Variants in KCND2 observed in about 807,000 individuals in gnomAD.
The protein encoded by KCND2 is A-type voltage-gated potassium channel KCND2.
KCND2 carries 16 observed loss-of-function variants against 54.4 expected under a neutral mutation model. The ratio of observed to expected loss-of-function variants is 0.29; its 90% CI spans 0.20 to 0.45. KCND2 has a LOEUF of 0.45. Ranked by LOEUF, KCND2 falls within the 20% of genes least tolerant of loss-of-function variation. The probability of loss-of-function intolerance (pLI) is 1.00; values close to 1 mark genes in which losing one functional copy is unlikely to be tolerated. For missense variants in KCND2, 486 were observed against 824.2 expected, an observed-to-expected ratio of 0.59 and a Z score of 5.02; for synonymous variants, 317 against 310.7, an observed-to-expected ratio of 1.02 and a Z score of -0.21.
At chr7:120,358,184 T>C (rs1389739877) in intron 1 of KCND2, among the ~76,000 whole-genome samples, 2 of 152,232 alleles carry the variant, frequency 1.3e-5, no homozygotes, top group African/African-American at 2.4e-5. Flanking sequence ...AAAATACTTA[T>C]TAGGAATTAG....
chr7:120,366,555 G>T (rs1800683260), intron 1 of KCND2, among the ~76,000 whole-genome samples: 1 of 149,452 alleles, frequency 6.7e-6, no homozygotes, highest in Non-Finnish European at 1.5e-5. Flanking sequence ...GAAAAGAAAA[G>T]AAAAGAAAAA....
chr7:120,591,800 T>C (rs965733467), intron 1 of KCND2, among the ~76,000 whole-genome samples: 29 of 152,208 alleles, frequency 1.9e-4, no homozygotes, highest in African/African-American at 7.0e-4. Context: ...AGTAAAAGTG[T>C]GGTACTTGCC....
chr7:120,342,809 TACTC>T (rs1400438379), intron 1 of KCND2, among the ~76,000 whole-genome samples: 2 of 152,170 alleles, frequency 1.3e-5, no homozygotes, highest in East Asian at 3.8e-4. Flanking sequence ...ATTAAACAAA[TACTC>T]ATGTTGAATG....
intron 1 of KCND2, among the ~76,000 whole-genome samples, chr7:120,283,180 A>G (rs1799290124): frequency 6.6e-6 from 1 of 152,152 alleles, no homozygotes; most frequent in Non-Finnish European, 1.5e-5. Context: ...GGTGGGATGA[A>G]GTTTCATCAA....
chr7:120,585,705 AT>A (rs1267321506), intron 1 of KCND2, among the ~76,000 whole-genome samples: 1 of 152,152 alleles, frequency 6.6e-6, no homozygotes, highest in African/African-American at 2.4e-5. Context: ...GGAATCAAGA[AT>A]CTGGGCCAGG....
intron 1 of KCND2, among the ~76,000 whole-genome samples, chr7:120,378,500 A>T (rs941993914): frequency 4.6e-5 from 7 of 151,928 alleles, no homozygotes; most frequent in African/African-American, 1.4e-4. Context: ...TGGCCGCTGT[A>T]TTTTCCCCAG....
At chr7:120,518,628 G>T (rs757019965) in intron 1 of KCND2, among the ~76,000 whole-genome samples, 1 of 152,052 alleles carries the variant, frequency 6.6e-6, no homozygotes, top group African/African-American at 2.4e-5. Flanking sequence ...ATGTTAGAAC[G>T]AATCTAAATT....
intron 1 of KCND2, among the ~76,000 whole-genome samples, chr7:120,516,938 C>T (rs148346392): frequency 1.3e-5 from 2 of 152,074 alleles, no homozygotes; most frequent in Admixed American, 6.6e-5. Context: ...TGGTGGACAT[C>T]CTGAAGTTGT....
At chr7:120,542,106 T>C (rs1267548488) in intron 1 of KCND2, among the ~76,000 whole-genome samples, 1 of 150,528 alleles carries the variant, frequency 6.6e-6, no homozygotes, top group African/African-American at 2.5e-5. Context: ...GCTGTAAATA[T>C]AACCTGAAAC....
chr7:120,703,145 AAGAG>A (rs1792424476), intron 1 of KCND2, among the ~76,000 whole-genome samples: 1 of 152,200 alleles, frequency 6.6e-6, no homozygotes, highest in Non-Finnish European at 1.5e-5. Context: ...GCGGCTGTCA[AAGAG>A]AGAAAGTATC....
chr7:120,591,952 T>C (rs1477826597), intron 1 of KCND2, among the ~76,000 whole-genome samples: 1 of 152,236 alleles, frequency 6.6e-6, no homozygotes, highest in Admixed American at 6.5e-5. Flanking sequence ...GAATAGCAAC[T>C]GGTGGCTGCC....
At chr7:120,332,171 G>A (rs1312183047) in intron 1 of KCND2, among the ~76,000 whole-genome samples, 2 of 151,994 alleles carry the variant, frequency 1.3e-5, no homozygotes, top group East Asian at 3.9e-4. Context: ...TGTAAGTTAA[G>A]CAAATTAGCT....
intron 1 of KCND2, among the ~76,000 whole-genome samples, chr7:120,592,236 T>G (rs1402231667): frequency 6.6e-6 from 1 of 152,166 alleles, no homozygotes; most frequent in African/African-American, 2.4e-5. Context: ...GTTTGTTTGT[T>G]TGTTTTTCTC....
chr7:120,633,798 A>C (rs930408307), intron 1 of KCND2, among the ~76,000 whole-genome samples: 2 of 152,294 alleles, frequency 1.3e-5, no homozygotes, highest in East Asian at 3.9e-4. Context: ...CTAATAACTC[A>C]TGACTTCTTA....
chr7:120,479,631 A>T (rs1802574921), intron 1 of KCND2, among the ~76,000 whole-genome samples: 1 of 151,610 alleles, frequency 6.6e-6, no homozygotes, highest in Non-Finnish European at 1.5e-5. Context: ...TTGTGAACTG[A>T]TAAGAAACTT....
chr7:120,466,120 A>G (rs1802365123), intron 1 of KCND2, among the ~76,000 whole-genome samples: 1 of 152,182 alleles, frequency 6.6e-6, no homozygotes, highest in African/African-American at 2.4e-5. Flanking sequence ...AAGGTGAGAC[A>G]ACCAGAGTGT....
intron 1 of KCND2, among the ~76,000 whole-genome samples, chr7:120,532,738 G>T (rs1180618882): frequency 1.3e-5 from 2 of 151,416 alleles, no homozygotes; most frequent in Non-Finnish European, 3.0e-5. Context: ...ATAAACAAAT[G>T]GAATAAAATA....
rs1017630476 is a variant in KCND2 at position 120,340,392 on chromosome 7, G to A, written c.1115+64645G>A. Among the ~76,000 whole-genome samples the A allele has an allele frequency of 3.3e-5, 5 of 152,296 alleles. No homozygotes were observed. In the East Asian group the frequency reaches 5.8e-4, roughly 18 times the overall value. ...AGCATGTTTGTTTCATCAACTGAGC[G>A]GATGCTATTGCCATCCACCTATGTG... On this transcript the variant is annotated intron_variant, in intron 1 of 5. Coordinates refer to ENST00000331113, the MANE Select transcript of KCND2 (RefSeq NM_012281.3).
intron 1 of KCND2, among the ~76,000 whole-genome samples, chr7:120,423,699 A>G (rs912988545): frequency 1.3e-5 from 2 of 152,218 alleles, no homozygotes; most frequent in African/African-American, 4.8e-5. Context: ...TGTCTCTGGA[A>G]GAAACCATTA....
Sources: allele counts gnomAD v4.1 joint callset (sites outside exome capture counted in the v4.1 genomes callset), GRCh38; gene constraint gnomAD v4.1.1; transcripts MANE v1.5; gene names NCBI Gene and HGNC (gene_info 2026-07-23, HGNC 2026-07-21).